Variants in USH2A observed in about 807,000 individuals in gnomAD.
The protein encoded by USH2A is usherin.
A neutral mutation model predicts 538.9 loss-of-function variants in USH2A; 443 were observed. That is an observed-to-expected ratio of 0.82 (90% CI 0.76 to 0.89). USH2A has a LOEUF of 0.89. Among genes scored for constraint, USH2A ranks in the 40% least tolerant of loss-of-function variants. The probability of loss-of-function intolerance (pLI) is 0.00; values close to 1 mark genes in which losing one functional copy is unlikely to be tolerated. For missense variants in USH2A, 6,633 were observed against 6,324.8 expected (o/e 1.05, Z -1.65); for synonymous variants, 2,413 against 2,273.5 (o/e 1.06, Z -1.75).
chr1:215,875,172 C>T (rs1395061198), intron 43 of USH2A, among the ~76,000 whole-genome samples: 1 of 152,150 alleles, frequency 6.6e-6, no homozygotes, highest in Non-Finnish European at 1.5e-5. Flanking sequence ...GCAAGACACT[C>T]CCCCTTGGGC....
In USH2A at chr1:215,953,447, A is replaced by G. The variant is rs1449368959; in HGVS notation, c.7120+11870T>C. 2.0e-5 allele frequency among the ~76,000 whole-genome samples: 3 copies of G among 152,302 alleles called. No homozygotes were observed. In the East Asian group the frequency reaches 5.8e-4, roughly 29 times the overall value. Reference sequence around the variant, plus strand: ...TATCTGATCTTTGGCAAACCTGACAAAAACAAGAAATGGGGAAAGGATTCC... The same window carrying G: ...TATCTGATCTTTGGCAAACCTGACAGAAACAAGAAATGGGGAAAGGATTCC... On this transcript the variant is annotated intron_variant, in intron 37 of 71. Transcript: ENST00000307340.
rs112639803 is a variant in USH2A at position 216,141,954 on chromosome 1, GAA to G, written c.4627+33296_4627+33297del. ...CCTCAGGAATCTGAAATTAGGAAAT[GAA>G]AAAAAAAAAAAAGGTAGGATTGAAA... is the stretch of plus-strand genomic sequence containing the variant. On this transcript the variant is annotated intron_variant, in intron 21 of 71. Coordinates refer to ENST00000307340, the MANE Select transcript of USH2A (RefSeq NM_206933.4). Among the ~76,000 whole-genome samples, 23 of 131,610 alleles carry G rather than the reference GAA, an allele frequency of 1.7e-4. No homozygotes were observed. The East Asian group carries it at 2.6e-3, about 15-fold the overall frequency. 86.3% of individuals were successfully genotyped at this position (131,610 alleles called of 152,430 possible).
At chr1:216,366,173 G>C (rs1050880484) in intron 3 of USH2A, among the ~76,000 whole-genome samples, 7 of 152,080 alleles carry the variant, frequency 4.6e-5, no homozygotes, top group African/African-American at 1.4e-4. Flanking sequence ...CAAATAAAAG[G>C]CTCTGGAAAG....
intron 4 of USH2A, among the ~76,000 whole-genome samples, chr1:216,343,442 T>C (rs1186003850): frequency 6.7e-6 from 1 of 148,562 alleles, no homozygotes; most frequent in African/African-American, 2.5e-5. Flanking sequence ...CAGTAGGCTA[T>C]GACAGGAGGA....
At chr1:215,780,904 G>A (rs535035113) in intron 54 of USH2A, among the ~76,000 whole-genome samples, 1 of 152,366 alleles carries the variant, frequency 6.6e-6, no homozygotes, top group East Asian at 1.9e-4. Context: ...CTCTTGCACA[G>A]TGTGCAAAGA....
chr1:215,775,565 A>G (rs1043236755), intron 55 of USH2A, among the ~76,000 whole-genome samples: 7 of 152,236 alleles, frequency 4.6e-5, no homozygotes, highest in African/African-American at 1.7e-4. Flanking sequence ...AGTGTGGAAC[A>G]GAGACAAGAG....
intron 9 of USH2A, among the ~76,000 whole-genome samples, chr1:216,317,400 G>A (rs966569512): frequency 6.6e-6 from 1 of 152,102 alleles, no homozygotes; most frequent in Non-Finnish European, 1.5e-5. Flanking sequence ...TAGGGATGGT[G>A]GGGGCTGTGG....
chr1:216,292,277 G>A lies in USH2A; in HGVS notation c.1738C>T (p.His580Tyr). 1 of 1,614,048 alleles carries A rather than the reference G, an allele frequency of 6.2e-7. No homozygotes were observed. The highest frequency in any genetic ancestry group is 1.1e-5 in the South Asian group (1 of 91,078). The change falls in exon 10 of 72, where the codon CAT becomes TAT. Residue 580 changes from histidine (H) to tyrosine (Y), a missense_variant. His to Tyr is a moderately conservative substitution (Grantham distance 83, BLOSUM62 2). Coordinates refer to ENST00000307340, the MANE Select transcript of USH2A (RefSeq NM_206933.4). ...FNCKPCQCNS[H>Y]SKSCHYNISV... ...ATGTTGTAATGGCAGCTTTTGGAATGGCTGTTGCATTGACAAGGTTTACAA... is the reference window on the plus strand; with the variant it reads ...ATGTTGTAATGGCAGCTTTTGGAATAGCTGTTGCATTGACAAGGTTTACAA...
At chr1:216,125,979 G>A (rs1382971678) in intron 21 of USH2A, among the ~76,000 whole-genome samples, 2 of 152,144 alleles carry the variant, frequency 1.3e-5, no homozygotes, top group East Asian at 1.9e-4. Context: ...GATGTGTTGG[G>A]TTAATTTTTG....
At chr1:215,780,845 AT>A (rs994217374) in intron 54 of USH2A, among the ~76,000 whole-genome samples, 5 of 152,224 alleles carry the variant, frequency 3.3e-5, no homozygotes, top group Non-Finnish European at 7.3e-5. Context: ...AAAATGTTGC[AT>A]TCTTGCACTG....
intron 37 of USH2A, among the ~76,000 whole-genome samples, chr1:215,953,914 G>A (rs1182875924): frequency 1.3e-5 from 2 of 152,106 alleles, no homozygotes; most frequent in African/African-American, 2.4e-5. Flanking sequence ...GATATGAACA[G>A]ACACTTCTCA....
intron 64 of USH2A, among the ~76,000 whole-genome samples, chr1:215,665,296 T>C (rs1477950836): frequency 3.9e-5 from 6 of 152,220 alleles, no homozygotes; most frequent in Non-Finnish European, 8.8e-5. Context: ...CCCCATGCCA[T>C]GAGTCACAGA....
intron 62 of USH2A, among the ~76,000 whole-genome samples, chr1:215,677,115 T>C (rs1022718029): frequency 6.6e-6 from 1 of 152,216 alleles, no homozygotes; most frequent in African/African-American, 2.4e-5. Flanking sequence ...ATAGAAGCAG[T>C]TAGAGAAGAA....
intron 4 of USH2A, among the ~76,000 whole-genome samples, chr1:216,345,916 A>G (rs1187118049): frequency 6.6e-6 from 1 of 152,116 alleles, no homozygotes; most frequent in Non-Finnish European, 1.5e-5. Flanking sequence ...TGCAAGCTCA[A>G]AATCTGCTGC....
chr1:215,728,508 G>A (rs1659898743), intron 60 of USH2A, 124 bp from the exon 61 acceptor site: 2 of 957,650 alleles, frequency 2.1e-6, no homozygotes, highest in Non-Finnish European at 3.2e-6. Context: ...TTTCTTCCTG[G>A]TGTCATAGTA....
chr1:216,164,578 G>A (rs1362056971), intron 21 of USH2A, among the ~76,000 whole-genome samples: 1 of 152,102 alleles, frequency 6.6e-6, no homozygotes, highest in African/African-American at 2.4e-5. Context: ...AACATTTAAA[G>A]TTGGCTGTTT....
Position 215,805,370 on chromosome 1 carries a change from C to T in USH2A, c.9740-6245G>A, listed in dbSNP as rs529504655. Among the ~76,000 whole-genome samples, 129 of 151,928 alleles carry T rather than the reference C, an allele frequency of 8.5e-4. 1 individual carries two copies. Among genetic ancestry groups the T allele is most frequent in the African/African-American group, 2.7e-3 (111 of 41,476 alleles). ...GTATGATTCCAATTATATTAGGTAC[C>T]TAGAGTAGTCAAATTCATAGAGACC... On this transcript the variant is annotated intron_variant, in intron 49 of 71. Coordinates refer to ENST00000307340, the MANE Select transcript of USH2A (RefSeq NM_206933.4).
chr1:216,339,621 G>A (rs1042779431), intron 4 of USH2A, among the ~76,000 whole-genome samples: 1 of 151,706 alleles, frequency 6.6e-6, no homozygotes, highest in Non-Finnish European at 1.5e-5. Context: ...CAAAAGAACT[G>A]AAATTATAAC....
intron 21 of USH2A, among the ~76,000 whole-genome samples, chr1:216,173,489 T>C (rs776302446): frequency 1.1e-4 from 16 of 152,128 alleles, no homozygotes; most frequent in Non-Finnish European, 2.2e-4. Context: ...TCAAATGGTG[T>C]GTACTCCAAG....
Sources: gnomAD v4.1 joint callset for allele counts (sites outside exome capture counted in the v4.1 genomes callset) on GRCh38, gnomAD v4.1.1 for gene constraint, MANE v1.5 for transcripts, NCBI Gene and HGNC (gene_info 2026-07-23, HGNC 2026-07-21) for gene names.